AP5Z1: variants seen among roughly 807,000 people sequenced by gnomAD.
AP5Z1 encodes AP-5 complex subunit zeta-1.
A neutral mutation model predicts 83.0 loss-of-function variants in AP5Z1; 106 were observed. That is an observed-to-expected ratio of 1.28 (90% CI 1.09 to 1.50). The LOEUF is 1.50. AP5Z1 is among the 40% of genes most tolerant of loss of function. The probability of loss-of-function intolerance (pLI) is 0.00; values close to 1 mark genes in which losing one functional copy is unlikely to be tolerated. For missense variants in AP5Z1, 1,565 were observed against 1,094.2 expected, an observed-to-expected ratio of 1.43 and a Z score of -6.07; for synonymous variants, 751 against 514.1, an observed-to-expected ratio of 1.46 and a Z score of -6.23.
chr7:4,785,312 C>T (rs559667147), intron 7 of AP5Z1, 103 bp from the exon 8 acceptor site: 4 of 1,473,686 alleles, frequency 2.7e-6, no homozygotes, highest in East Asian at 4.8e-5. Flanking sequence ...GTCCCACCCC[C>T]CTGCTCCCGG....
rs1325471838 is a variant in AP5Z1 at position 4,783,737 on chromosome 7, C to T, written c.560C>T (p.Ala187Val). The change falls in exon 5 of 17, where the codon GCC (alanine) becomes GTC (valine). Residue 187 changes from alanine to valine, a missense_variant. By Grantham distance (64) the Ala-to-Val change is moderately conservative. Coordinates refer to ENST00000649063, the MANE Select transcript of AP5Z1 (RefSeq NM_014855.3). Reference sequence around the variant, plus strand: ...CGGCTGGTCGACTGGCTGCGCTACGCCAGCCTCCAGCAAGGGCTCCCACAC... The same window carrying T: ...CGGCTGGTCGACTGGCTGCGCTACGTCAGCCTCCAGCAAGGGCTCCCACAC... ...SKRLVDWLRY[A>V]SLQQGLPHSG... The T allele has an allele frequency of 1.3e-6, 2 of 1,550,610 alleles. No individual in the cohort carries two copies. The highest frequency in any genetic ancestry group is 3.9e-5 in the Admixed American group (2 of 51,052).
At chr7:4,783,553 G>C in intron 4 of AP5Z1, 93 bp downstream of exon 4, 2 of 1,553,464 alleles carry the variant, frequency 1.3e-6, no homozygotes, top group South Asian at 2.4e-5. Flanking sequence ...TGGGGGGCAG[G>C]TGGGGGACAC....
rs1781499191 is a variant in AP5Z1 at position 4,785,103 on chromosome 7, C to G, written c.931+55C>G. 3 of 1,541,544 alleles carry G rather than the reference C, an allele frequency of 1.9e-6. No individual in the cohort carries two copies. The South Asian group carries it at 3.7e-5, about 19-fold the overall frequency. On this transcript the variant is annotated intron_variant, in intron 7 of 16. Coordinates refer to ENST00000649063, the MANE Select transcript of AP5Z1 (RefSeq NM_014855.3). ...CCCAGGGCTCGACGCACCTGCTCTG[C>G]AAGGCCACCTGAGGCCAGCACAGCT...
At chr7:4,787,830 C>T (rs1022421868) in intron 11 of AP5Z1, 54 bp downstream of exon 11, 1 of 1,486,156 alleles carries the variant, frequency 6.7e-7, no homozygotes, top group Non-Finnish European at 9.0e-7. Flanking sequence ...TGGTTCCACA[C>T]ACTGGGCCCC....
At chr7:4,786,656 G>A (rs903623727) in intron 10 of AP5Z1, among the ~76,000 whole-genome samples, 6 of 152,170 alleles carry the variant, frequency 3.9e-5, no homozygotes, top group African/African-American at 1.4e-4. Flanking sequence ...TTGGAGAGGG[G>A]GCTGTGACAC....
chr7:4,787,818 G>C (rs749214688), intron 11 of AP5Z1, 42 bp downstream of exon 11: 128 of 1,500,060 alleles, frequency 8.5e-5, no homozygotes, highest in Non-Finnish European at 1.0e-4. Context: ...CTCCCAGCCA[G>C]CTGGTTCCAC....
In AP5Z1 at chr7:4,785,170, G is replaced by C. The variant is rs1035251396; in HGVS notation, c.931+122G>C. 9 of 1,450,802 alleles carry C rather than the reference G, an allele frequency of 6.2e-6. 1 individual carries two copies. In the South Asian group the frequency reaches 1.3e-4, roughly 20 times the overall value. The allele number at this position is 1,450,802 out of a possible 1,614,324, so 89.9% of individuals were successfully genotyped here. ...CCACAGAGGGGGTCCCTGGGTAGCC[G>C]GTTTGGAGCAGGGGCATTTTTGCTT... On this transcript the variant is annotated intron_variant, in intron 7 of 16. Coordinates refer to ENST00000649063, the MANE Select transcript of AP5Z1 (RefSeq NM_014855.3).
At chr7:4,788,528 A>AGGTT in intron 12 of AP5Z1, 1 of 558,994 alleles carries the variant, frequency 1.8e-6, no homozygotes, top group Non-Finnish European at 3.0e-6. Context: ...ATAAGCTTGG[A>AGGTT]GGTTGGCCCT....
intron 14 of AP5Z1, 144 bp downstream of exon 14, chr7:4,790,073 CA>C: frequency 8.3e-7 from 1 of 1,209,198 alleles, no homozygotes. Context: ...CACCCCCACC[CA>C]CAGCCCCACA....
chr7:4,783,474 C>G lies in AP5Z1; in HGVS notation c.511+14C>G. On this transcript the variant is annotated intron_variant, in intron 4 of 16. Coordinates refer to ENST00000649063, the MANE Select transcript of AP5Z1 (RefSeq NM_014855.3). ...CCCTCCAGGAGGGTACGCGGGGCCC[C>G]TCCCAAGAGGCTGTTGGGGGTCTGC... The G allele has an allele frequency of 6.2e-7, 1 of 1,608,854 alleles. No homozygotes were observed. Among genetic ancestry groups the G allele is most frequent in the Non-Finnish European group, 8.5e-7 (1 of 1,177,508 alleles).
intron 1 of AP5Z1, among the ~76,000 whole-genome samples, chr7:4,780,247 G>A (rs1304537617): frequency 6.6e-6 from 1 of 152,136 alleles, no homozygotes; most frequent in African/African-American, 2.4e-5. Context: ...TTAAAATTAA[G>A]CCAATTAGTT....
In AP5Z1 at chr7:4,783,514, C is replaced by T. The variant is rs376355690; in HGVS notation, c.511+54C>T. The T allele has an allele frequency of 1.6e-4, 256 of 1,593,132 alleles. 1 individual carries two copies. In the East Asian group the frequency reaches 5.4e-3, roughly 34 times the overall value. ...TGGGGGTCTGCCTTCCCAGGTCCTT[C>T]CCTGAGGGCCCATGGTGGGTTGGGA... On this transcript the variant is annotated intron_variant, in intron 4 of 16. Transcript: ENST00000649063.
chr7:4,781,727 C>T lies in AP5Z1; in HGVS notation c.339C>T (p.Ser113=). 1 of 1,577,836 alleles carries T rather than the reference C, an allele frequency of 6.3e-7. No individual in the cohort carries two copies. Residue 113 remains serine (S), a synonymous_variant, in exon 3 of 17, where the codon AGC becomes AGT. Transcript: ENST00000649063. The part of the protein sequence containing the change: ...WDHTQNSRQL[S]LVASVLLAQG... ...ACACGCAGAACAGCCGGCAGCTGAG[C>T]CTGGTGGCCTCCGTTCTCTTGGCCC...
intron 14 of AP5Z1, chr7:4,790,148 G>T: frequency 1.3e-6 from 2 of 1,491,828 alleles, no homozygotes; most frequent in Non-Finnish European, 1.8e-6. Context: ...TGCCGAGCCT[G>T]TCCTCTTCAG....
chr7:4,783,311 T>C lies in AP5Z1; in HGVS notation c.367-5T>C, dbSNP rs1401217277. ...ACCCCAGCGTTTGCCCTGTTTGATT[T>C]GAAGGGTGACAGAAACGAGGAGGTC... On this transcript the variant is annotated splice_region_variant and splice_polypyrimidine_tract_variant and intron_variant, in intron 3 of 16. Transcript: ENST00000649063. 6.2e-7 allele frequency: 1 copy of C among 1,602,560 alleles called. No homozygotes were observed. The highest frequency in any genetic ancestry group is 1.3e-5 in the African/African-American group (1 of 74,704).
At chr7:4,788,531 T>C in intron 12 of AP5Z1, 1 of 555,264 alleles carries the variant, frequency 1.8e-6, no homozygotes, top group Non-Finnish European at 3.0e-6. Context: ...AGCTTGGAGG[T>C]TGGCCCTGTG....
At position 4,791,917 on chromosome 7, in the gene AP5Z1, G is replaced by A. The variant is rs527985598; in HGVS notation, c.*532G>A. The A allele has an allele frequency of 3.7e-3, 565 of 154,308 alleles. 3 individuals are homozygous for A. Among genetic ancestry groups the A allele is most frequent in the Non-Finnish European group, 5.8e-3 (403 of 69,406 alleles). The allele number at this position is 154,308 out of a possible 1,614,324, so 9.6% of individuals were successfully genotyped here. A position where few individuals can be genotyped will look rare whatever the true frequency, so the allele number is the denominator to read the frequency against. On this transcript the variant is annotated 3_prime_UTR_variant, in exon 17 of 17. Transcript: ENST00000649063. ...AGGTCATTTGTGCACAGCCCGGAAG[G>A]CAGCGGCGCGAGTTCCCGGGTGTGG... is the stretch of plus-strand genomic sequence containing the variant.
At chr7:4,787,510 C>T in intron 10 of AP5Z1, 124 bp from the exon 11 acceptor site, 2 of 1,373,106 alleles carry the variant, frequency 1.5e-6, no homozygotes, top group East Asian at 5.1e-5. Flanking sequence ...CGGGAGGAGG[C>T]AAAGGTAGAA....
intron 13 of AP5Z1, 195 bp downstream of exon 13, chr7:4,789,146 A>C: frequency 3.7e-6 from 2 of 540,010 alleles, no homozygotes; most frequent in East Asian, 3.2e-5. Flanking sequence ...CATCCCCTTT[A>C]TTCCAGCAGG....
Sources: gnomAD v4.1 joint callset for allele counts (sites outside exome capture counted in the v4.1 genomes callset) on GRCh38, gnomAD v4.1.1 for gene constraint, MANE v1.5 for transcripts, NCBI Gene and HGNC (gene_info 2026-07-23, HGNC 2026-07-21) for gene names.